CEP192: variants seen among roughly 807,000 people sequenced by gnomAD.
CEP192 encodes centrosomal protein 192, also known as centrosomal protein of 192 kDa.
In CEP192, 151 loss-of-function variants were observed where a neutral mutation model predicts 271.8. The ratio of observed to expected loss-of-function variants is 0.56; its 90% CI spans 0.49 to 0.64. The LOEUF (loss-of-function observed/expected upper bound fraction) is 0.64, where lower values mean the gene tolerates loss of function less well. CEP192 is among the 30% of genes least tolerant of loss of function. The pLI, the probability that CEP192 is intolerant of heterozygous loss-of-function variation, is 0.00. For synonymous variants in CEP192, 995 were observed against 1,076.5 expected (o/e 0.92, Z 1.48); for missense variants, 2,910 against 3,020.5 (o/e 0.96, Z 0.86).
intron 11 of CEP192, among the ~76,000 whole-genome samples, chr18:13,036,925 G>A (rs1463185548): frequency 1.3e-5 from 2 of 152,228 alleles, no homozygotes. Context: ...TCATGGATGA[G>A]TGCCTCAATG....
At chr18:13,010,239 C>T (rs58871601) in intron 4 of CEP192, among the ~76,000 whole-genome samples, 1 of 151,922 alleles carries the variant, frequency 6.6e-6, no homozygotes, top group Non-Finnish European at 1.5e-5. Context: ...CATTCACTTT[C>T]TTTTATCAAA....
intron 9 of CEP192, among the ~76,000 whole-genome samples, chr18:13,026,496 G>A (rs1460370269): frequency 6.6e-6 from 1 of 151,982 alleles, no homozygotes; most frequent in African/African-American, 2.4e-5. Flanking sequence ...GTTGCTTTCT[G>A]TTTGTCTTCT....
At chr18:13,080,116 C>G (rs552028669) in intron 30 of CEP192, among the ~76,000 whole-genome samples, 1 of 152,254 alleles carries the variant, frequency 6.6e-6, no homozygotes, top group East Asian at 1.9e-4. Flanking sequence ...CTTGGCAGTG[C>G]AGTCTCTTTT....
At chr18:13,069,036 T>C in intron 25 of CEP192, 45 bp downstream of exon 25, 1 of 1,614,150 alleles carries the variant, frequency 6.2e-7, no homozygotes, top group Non-Finnish European at 8.5e-7. Context: ...TCATTCATGC[T>C]GATTTCACTT....
chr18:13,044,162 C>T (rs1203441139), intron 15 of CEP192, among the ~76,000 whole-genome samples: 1 of 152,100 alleles, frequency 6.6e-6, no homozygotes, highest in African/African-American at 2.4e-5. Flanking sequence ...TTTAAATATA[C>T]TCACCTTATA....
At chr18:13,041,809 G>T (rs904676132) in intron 14 of CEP192, among the ~76,000 whole-genome samples, 5 of 151,950 alleles carry the variant, frequency 3.3e-5, no homozygotes, top group African/African-American at 9.7e-5. Context: ...CAAGTGATCC[G>T]CCCACCTCAG....
At chr18:13,060,434 A>C (rs1317956887) in intron 21 of CEP192, among the ~76,000 whole-genome samples, 1 of 152,178 alleles carries the variant, frequency 6.6e-6, no homozygotes, top group African/African-American at 2.4e-5. Flanking sequence ...TACTGTACAC[A>C]CTTGGAGACA....
At chr18:13,055,684 C>A in intron 18 of CEP192, 96 bp from the exon 19 acceptor site, 1 of 832,148 alleles carries the variant, frequency 1.2e-6, no homozygotes, top group South Asian at 2.0e-5. Context: ...ACACCTCATG[C>A]ACATCTCTTT....
At chr18:13,044,465 T>G (rs1272441315) in intron 15 of CEP192, among the ~76,000 whole-genome samples, 1 of 152,272 alleles carries the variant, frequency 6.6e-6, no homozygotes, top group East Asian at 1.9e-4. Context: ...CAACGTGGTC[T>G]TCTAATCTTT....
At chr18:13,050,419 A>C (rs1164876054) in intron 17 of CEP192, among the ~76,000 whole-genome samples, 9 of 152,130 alleles carry the variant, frequency 5.9e-5, no homozygotes, top group Non-Finnish European at 7.3e-5. Context: ...GCTGCCATTA[A>C]AGTTTTTCAT....
At chr18:13,045,566 A>G (rs1442059995) in intron 15 of CEP192, among the ~76,000 whole-genome samples, 1 of 152,230 alleles carries the variant, frequency 6.6e-6, no homozygotes, top group Non-Finnish European at 1.5e-5. Context: ...TTAAATCGGA[A>G]TGCTCAAGCT....
rs567058590 is a variant in CEP192, at chr18:13,011,992, C to T, written c.467-981C>T. On this transcript the variant is annotated intron_variant, in intron 4 of 44. Transcript: ENST00000506447. ...CACAAAAAGGAGCAAAGTACTGATACGTGCTTTAATACAGGTGAGCCTTGA... is the reference window on the plus strand; with the variant it reads ...CACAAAAAGGAGCAAAGTACTGATATGTGCTTTAATACAGGTGAGCCTTGA... Among the ~76,000 whole-genome samples, 100 of 152,270 alleles carry T rather than the reference C, an allele frequency of 6.6e-4. 1 individual carries two copies. Among genetic ancestry groups the T allele is most frequent in the Middle Eastern group, 3.4e-3 (1 of 294 alleles).
At chr18:13,084,225 AG>A (rs765525491) in intron 30 of CEP192, among the ~76,000 whole-genome samples, 2 of 152,128 alleles carry the variant, frequency 1.3e-5, no homozygotes, top group Admixed American at 6.5e-5. Context: ...CCCTGCCCCT[AG>A]AGGTGGGCTC....
intron 3 of CEP192, among the ~76,000 whole-genome samples, chr18:13,007,484 C>T (rs960869366): frequency 6.6e-6 from 1 of 152,138 alleles, no homozygotes; most frequent in African/African-American, 2.4e-5. Context: ...TGGAAATTGA[C>T]CTAACTGTCC....
chr18:13,075,995 C>A (rs2038253458), intron 30 of CEP192, among the ~76,000 whole-genome samples: 1 of 152,136 alleles, frequency 6.6e-6, no homozygotes, highest in South Asian at 2.1e-4. Flanking sequence ...GGGACATTGG[C>A]AGAGTCTGGA....
At chr18:13,030,701 C>G in intron 11 of CEP192, 93 bp downstream of exon 11, 1 of 931,482 alleles carries the variant, frequency 1.1e-6, no homozygotes, top group Non-Finnish European at 1.6e-6. Flanking sequence ...ACATCAGATC[C>G]CTTCTGGACT....
rs578208082 is a variant in CEP192 at position 13,049,009 on chromosome 18, G to A, written c.2218G>A (p.Ala740Thr). Residue 740 changes from alanine (A) to threonine (T), a missense_variant, in exon 16 of 45, where the codon GCA (alanine) becomes ACA (threonine). Transcript: ENST00000506447. ...TTCCCAACTTGCTGCAATGATCAAG[G>A]CACTTTCAAATAAAACCAGAGACAA... ...DPSQLAAMIK[A>T]LSNKTRDKTF... is the part of the protein sequence containing the mutation. The A allele has an allele frequency of 6.2e-7, 1 of 1,614,104 alleles. No homozygotes were observed. Among genetic ancestry groups the A allele is most frequent in the East Asian group, 2.2e-5 (1 of 44,876 alleles).
Position 13,100,444 on chromosome 18 carries a change from C to T in CEP192, c.6803C>T (p.Pro2268Leu). 1 of 1,614,102 alleles carries T rather than the reference C, an allele frequency of 6.2e-7. No homozygotes were observed. The highest frequency in any genetic ancestry group is 8.5e-7 in the Non-Finnish European group (1 of 1,179,976). The change falls in exon 38 of 45, where the codon CCT (proline) becomes CTT (leucine). Residue 2268 changes from proline to leucine, a missense_variant. Pro to Leu is a moderately conservative substitution (Grantham distance 98, BLOSUM62 -3). Transcript: ENST00000506447. ...TTGGTCAAACCAATGACAAAACCGCCTTCCACAAAAGTTGAAATAAGAAAC... is the reference window on the plus strand; with the variant it reads ...TTGGTCAAACCAATGACAAAACCGCTTTCCACAAAAGTTGAAATAAGAAAC... ...SHLVKPMTKPPSTKVEIRNKS... is the reference protein window; with the variant it reads ...SHLVKPMTKPLSTKVEIRNKS...
chr18:13,053,831 A>G (rs977573706), intron 18 of CEP192, among the ~76,000 whole-genome samples: 1 of 152,118 alleles, frequency 6.6e-6, no homozygotes, highest in Non-Finnish European at 1.5e-5. Flanking sequence ...CTGGGACTAC[A>G]GGTGTGCACT....
Sources: gnomAD v4.1 joint callset for allele counts (sites outside exome capture counted in the v4.1 genomes callset) on GRCh38, gnomAD v4.1.1 for gene constraint, MANE v1.5 for transcripts, NCBI Gene and HGNC (gene_info 2026-07-23, HGNC 2026-07-21) for gene names.